MACROD2: variants seen among roughly 807,000 people sequenced by gnomAD.
MACROD2 encodes the protein mono-ADP ribosylhydrolase 2.
MACROD2 carries 36 observed loss-of-function variants against 70.4 expected under a neutral mutation model. The ratio of observed to expected loss-of-function variants is 0.51; its 90% CI spans 0.39 to 0.68. The LOEUF (loss-of-function observed/expected upper bound fraction) is 0.68, where lower values mean the gene tolerates loss of function less well. Ranked by LOEUF, MACROD2 falls within the 30% of genes least tolerant of loss-of-function variation. The probability of loss-of-function intolerance (pLI) is 0.00; values close to 1 mark genes in which losing one functional copy is unlikely to be tolerated. For synonymous variants in MACROD2, 172 were observed against 178.8 expected, an observed-to-expected ratio of 0.96 and a Z score of 0.30; for missense variants, 496 against 538.4, an observed-to-expected ratio of 0.92 and a Z score of 0.78.
At chr20:14,660,860 G>A (rs890452784) in intron 4 of MACROD2, among the ~76,000 whole-genome samples, 1 of 151,980 alleles carries the variant, frequency 6.6e-6, no homozygotes, top group African/African-American at 2.4e-5. Context: ...TTGCATCCAT[G>A]TTGCTGCAAA....
intron 5 of MACROD2, among the ~76,000 whole-genome samples, chr20:14,819,012 C>A (rs2072807847): frequency 6.6e-6 from 1 of 151,584 alleles, no homozygotes; most frequent in South Asian, 2.1e-4. Context: ...TGCCTGCAAT[C>A]CCAGCACTTT....
chr20:15,773,911 T>C (rs1663641518), intron 8 of MACROD2, among the ~76,000 whole-genome samples: 1 of 152,178 alleles, frequency 6.6e-6, no homozygotes, highest in Non-Finnish European at 1.5e-5. Context: ...CCCAATATTT[T>C]GCTGCTGTTT....
intron 3 of MACROD2, among the ~76,000 whole-genome samples, chr20:14,273,453 A>G (rs1325621187): frequency 6.0e-5 from 9 of 149,348 alleles, no homozygotes; most frequent in Non-Finnish European, 1.2e-4. Flanking sequence ...CAACGAGAAC[A>G]AAGACACAAC....
intron 15 of MACROD2, among the ~76,000 whole-genome samples, chr20:16,037,423 A>G (rs1290316927): frequency 1.3e-5 from 2 of 151,990 alleles, no homozygotes; most frequent in Non-Finnish European, 2.9e-5. Flanking sequence ...TGAAAGAATC[A>G]GCTACAGGTA....
At chr20:15,284,370 C>T (rs1439071085) in intron 6 of MACROD2, among the ~76,000 whole-genome samples, 1 of 152,040 alleles carries the variant, frequency 6.6e-6, no homozygotes, top group African/African-American at 2.4e-5. Flanking sequence ...AATATGTTCC[C>T]TTTTTTCTTG....
intron 5 of MACROD2, among the ~76,000 whole-genome samples, chr20:15,204,165 G>T (rs962576469): frequency 6.6e-6 from 1 of 152,034 alleles, no homozygotes; most frequent in African/African-American, 2.4e-5. Flanking sequence ...GACCAGCCAA[G>T]CATCTATCAC....
At chr20:14,634,077 C>G (rs1984654361) in intron 4 of MACROD2, among the ~76,000 whole-genome samples, 1 of 152,214 alleles carries the variant, frequency 6.6e-6, no homozygotes, top group Admixed American at 6.5e-5. Context: ...TTCACAGCCC[C>G]CTGGGCGTGC....
chr20:14,380,234 C>A (rs1014446408), intron 3 of MACROD2, among the ~76,000 whole-genome samples: 2 of 152,020 alleles, frequency 1.3e-5, no homozygotes, highest in Non-Finnish European at 2.9e-5. Context: ...TGCTTATTTG[C>A]TATTTGTATG....
chr20:14,075,509 G>C (rs1283197857), intron 2 of MACROD2, among the ~76,000 whole-genome samples: 2 of 152,116 alleles, frequency 1.3e-5, no homozygotes, highest in African/African-American at 4.8e-5. Context: ...GGATAATTTA[G>C]AACTTCACTG....
intron 3 of MACROD2, among the ~76,000 whole-genome samples, chr20:14,174,052 G>A (rs772636743): frequency 6.6e-6 from 1 of 152,152 alleles, no homozygotes; most frequent in African/African-American, 2.4e-5. Context: ...CTCTGTGAGG[G>A]TCCTTGGTTG....
At chr20:15,022,274 G>T (rs1048396680) in intron 5 of MACROD2, among the ~76,000 whole-genome samples, 2 of 152,016 alleles carry the variant, frequency 1.3e-5, no homozygotes, top group African/African-American at 2.4e-5. Flanking sequence ...ACCTATAATT[G>T]CAGGGTTCCT....
intron 3 of MACROD2, among the ~76,000 whole-genome samples, chr20:14,142,973 ACG>A (rs1386037906): frequency 1.3e-5 from 2 of 152,200 alleles, no homozygotes; most frequent in East Asian, 3.9e-4. Flanking sequence ...ATGCACACAC[ACG>A]AAATATAATA....
chr20:15,946,828 G>A (rs1022726286), intron 12 of MACROD2, among the ~76,000 whole-genome samples: 1 of 152,170 alleles, frequency 6.6e-6, no homozygotes, highest in African/African-American at 2.4e-5. Context: ...CGGTCTCTGA[G>A]TTCCCTCAGT....
intron 12 of MACROD2, among the ~76,000 whole-genome samples, chr20:15,962,407 C>T (rs559881018): frequency 1.2e-4 from 18 of 152,262 alleles, no homozygotes; most frequent in African/African-American, 4.3e-4. Context: ...AGTTATGAAG[C>T]TTGTAGCTCT....
At chr20:14,003,711 C>A in intron 2 of MACROD2, 1 of 475,312 alleles carries the variant, frequency 2.1e-6, no homozygotes, top group Non-Finnish European at 4.3e-6. Flanking sequence ...ACAGGGTCTC[C>A]TTGGCAGCTG....
intron 5 of MACROD2, among the ~76,000 whole-genome samples, chr20:15,011,612 G>A (rs2075083089): frequency 6.6e-6 from 1 of 152,012 alleles, no homozygotes; most frequent in African/African-American, 2.4e-5. Context: ...TTCCAGGAGG[G>A]GACAGATATT....
At chr20:14,916,653 G>A (rs2074095570) in intron 5 of MACROD2, among the ~76,000 whole-genome samples, 1 of 152,274 alleles carries the variant, frequency 6.6e-6, no homozygotes, top group Middle Eastern at 3.4e-3. Context: ...AACAAAGGCA[G>A]CAAAGTGTTA....
chr20:15,898,549 T>TA (rs10678216), intron 10 of MACROD2, among the ~76,000 whole-genome samples: 15,868 of 94,488 alleles, frequency 0.17, 1,765 homozygotes, highest in South Asian at 0.26. Flanking sequence ...AGACTCAGTC[T>TA]AAAAAAAAAA....
chr20:16,045,048 C>T (rs999655393), intron 17 of MACROD2, among the ~76,000 whole-genome samples: 1 of 152,120 alleles, frequency 6.6e-6, no homozygotes, highest in African/African-American at 2.4e-5. Flanking sequence ...AATCTTTGCC[C>T]TGGAGTTTGT....
Sources: gnomAD v4.1 joint callset for allele counts (sites outside exome capture counted in the v4.1 genomes callset) on GRCh38, gnomAD v4.1.1 for gene constraint, MANE v1.5 for transcripts, NCBI Gene and HGNC (gene_info 2026-07-23, HGNC 2026-07-21) for gene names.